SCLT1: variants seen among roughly 807,000 people sequenced by gnomAD.
SCLT1 encodes sodium channel-associated protein 1.
SCLT1 carries 78 observed loss-of-function variants against 112.8 expected under a neutral mutation model. That is an observed-to-expected ratio of 0.69 (90% CI 0.58 to 0.83). The LOEUF is 0.83. Among genes scored for constraint, SCLT1 ranks in the 40% least tolerant of loss-of-function variants. SCLT1 has a pLI of 0.00. For synonymous variants in SCLT1, 257 were observed against 254.7 expected, an observed-to-expected ratio of 1.01 and a Z score of -0.09; for missense variants, 747 against 770.4, an observed-to-expected ratio of 0.97 and a Z score of 0.36.
At chr4:128,904,291 G>A (rs993602068) in intron 18 of SCLT1, among the ~76,000 whole-genome samples, 2 of 152,012 alleles carry the variant, frequency 1.3e-5, no homozygotes, top group Non-Finnish European at 2.9e-5. Flanking sequence ...TGTCTCATAC[G>A]TTTTTAGTTC....
intron 18 of SCLT1, among the ~76,000 whole-genome samples, chr4:128,906,934 G>C (rs1418778083): frequency 6.6e-6 from 1 of 152,134 alleles, no homozygotes; most frequent in African/African-American, 2.4e-5. Context: ...GGAAGAATCG[G>C]GGGTTAGAGC....
chr4:128,891,124 G>T lies in SCLT1; in HGVS notation c.1843C>A (p.Arg615=). The change falls in exon 19 of 21, where the codon CGA becomes AGA. Residue 615 remains arginine, a synonymous_variant. Coordinates refer to ENST00000281142, the MANE Select transcript of SCLT1 (RefSeq NM_144643.4). ...AGCTCTTGGGTATGAAGTTTCTGTC[G>T]ACTCAGCTCACTCCTATTAAGAGCA... The part of the protein sequence containing the change: ...RINNLKSELS[R]QKLHTQELLS... 14 of 1,611,946 alleles carry T rather than the reference G, an allele frequency of 8.7e-6. No individual in the cohort carries two copies. Among genetic ancestry groups the T allele is most frequent in the Non-Finnish European group, 1.2e-5 (14 of 1,178,640 alleles).
At chr4:129,037,506 T>C (rs772571451) in intron 5 of SCLT1, 9 of 152,194 alleles carry the variant, frequency 5.9e-5, no homozygotes, top group Non-Finnish European at 1.3e-4. Flanking sequence ...TATGACCCTT[T>C]TTCCAATATC....
chr4:128,988,711 T>C (rs1293228685), intron 9 of SCLT1, among the ~76,000 whole-genome samples: 1 of 151,738 alleles, frequency 6.6e-6, no homozygotes. Flanking sequence ...AAATAAGACC[T>C]AATCATATGC....
intron 18 of SCLT1, among the ~76,000 whole-genome samples, chr4:128,933,573 T>C (rs1736947059): frequency 6.6e-6 from 1 of 152,108 alleles, no homozygotes; most frequent in Non-Finnish European, 1.5e-5. Flanking sequence ...GTCCCAAATC[T>C]GTAATCAATC....
At position 129,000,864 on chromosome 4, in the gene SCLT1, T is replaced by A. The variant is rs990753208; in HGVS notation, c.427-1070A>T. 8.6e-5 allele frequency among the ~76,000 whole-genome samples: 13 copies of A among 151,914 alleles called. 1 individual carries two copies. Among genetic ancestry groups the A allele is most frequent in the African/African-American group, 3.1e-4 (13 of 41,382 alleles). On this transcript the variant is annotated intron_variant, in intron 6 of 20. Transcript: ENST00000281142. ...ACCTAGAAGCTGGACGACCCTCTTG[T>A]GATCTCTTCCAGTTACTATACTCTT...
intron 19 of SCLT1, 21 bp from the exon 20 acceptor site, chr4:128,888,795 A>G (rs750969278): frequency 7.5e-6 from 11 of 1,460,612 alleles, no homozygotes; most frequent in Non-Finnish European, 1.1e-5. Context: ...GAAATAGAAA[A>G]CAAGTTAGAA....
At chr4:128,899,938 G>C (rs1224981799) in intron 18 of SCLT1, among the ~76,000 whole-genome samples, 1 of 152,070 alleles carries the variant, frequency 6.6e-6, no homozygotes, top group East Asian at 1.9e-4. Flanking sequence ...GCTTCAAAGA[G>C]AATAAAATAC....
chr4:129,091,725 CTCATT>C (rs1354306258), intron 1 of SCLT1, among the ~76,000 whole-genome samples: 6 of 152,182 alleles, frequency 3.9e-5, no homozygotes, highest in South Asian at 2.1e-4. Context: ...TTTTCATCAT[CTCATT>C]TAAGTCTCAC....
intron 2 of SCLT1, among the ~76,000 whole-genome samples, chr4:129,060,196 C>G (rs1749828226): frequency 1.3e-5 from 2 of 152,050 alleles, no homozygotes; most frequent in African/African-American, 4.8e-5. Flanking sequence ...TTAGTGATTT[C>G]TCTTTGTTAA....
intron 13 of SCLT1, among the ~76,000 whole-genome samples, chr4:128,954,946 A>C (rs151028524): frequency 4.9e-4 from 74 of 152,314 alleles, no homozygotes; most frequent in African/African-American, 1.7e-3. Context: ...TCTTTTCAGT[A>C]TCTAGAAATG....
chr4:129,025,574 G>A (rs949375972), intron 5 of SCLT1, among the ~76,000 whole-genome samples: 140 of 152,130 alleles, frequency 9.2e-4, no homozygotes, highest in South Asian at 3.7e-3. Flanking sequence ...AGGAACAACC[G>A]GTACCAGCCA....
At chr4:128,968,746 G>T (rs191238096) in intron 10 of SCLT1, among the ~76,000 whole-genome samples, 3 of 152,238 alleles carry the variant, frequency 2.0e-5, no homozygotes, top group Admixed American at 2.0e-4. Context: ...CAATTATCTT[G>T]CTTGGTCTTG....
At chr4:129,045,441 GA>G (rs1252751947) in intron 2 of SCLT1, among the ~76,000 whole-genome samples, 1 of 152,028 alleles carries the variant, frequency 6.6e-6, no homozygotes, top group Non-Finnish European at 1.5e-5. Flanking sequence ...GGCATATGGA[GA>G]AACATTTAAA....
Position 129,024,861 on chromosome 4 carries a change from G to C in SCLT1, c.290+14180C>G, listed in dbSNP as rs571271806. Among the ~76,000 whole-genome samples, 11 of 152,242 alleles carry C rather than the reference G, an allele frequency of 7.2e-5. No homozygotes were observed. The South Asian group carries it at 1.7e-3, about 23-fold the overall frequency. ...ATACAGAGAAGTGCTTAAAGGAGCT[G>C]ATGGAGCTGAAAACCAAGGCTCGAG... is the stretch of plus-strand genomic sequence containing the variant. On this transcript the variant is annotated intron_variant, in intron 5 of 20. Coordinates refer to ENST00000281142, the MANE Select transcript of SCLT1 (RefSeq NM_144643.4).
At chr4:128,995,191 G>T (rs1389892140) in intron 8 of SCLT1, among the ~76,000 whole-genome samples, 1 of 152,104 alleles carries the variant, frequency 6.6e-6, no homozygotes, top group Non-Finnish European at 1.5e-5. Flanking sequence ...ATTTTGGGTT[G>T]ATATTTGTGT....
chr4:128,907,250 C>T (rs569238748), intron 18 of SCLT1, among the ~76,000 whole-genome samples: 10 of 152,138 alleles, frequency 6.6e-5, no homozygotes, highest in African/African-American at 2.2e-4. Flanking sequence ...AGAGAAGTGA[C>T]GATTCGATTT....
intron 17 of SCLT1, among the ~76,000 whole-genome samples, chr4:128,942,778 G>T (rs533151411): frequency 6.6e-6 from 1 of 152,142 alleles, no homozygotes; most frequent in Admixed American, 6.5e-5. Flanking sequence ...GGTTGGAAAA[G>T]AATTTTTTTG....
intron 10 of SCLT1, among the ~76,000 whole-genome samples, chr4:128,969,132 C>T (rs1412796299): frequency 6.6e-6 from 1 of 152,188 alleles, no homozygotes; most frequent in Non-Finnish European, 1.5e-5. Flanking sequence ...TCTCTGCCTG[C>T]TTCTTCACTG....
Sources: allele counts gnomAD v4.1 joint callset (sites outside exome capture counted in the v4.1 genomes callset), GRCh38; gene constraint gnomAD v4.1.1; transcripts MANE v1.5; gene names NCBI Gene and HGNC (gene_info 2026-07-23, HGNC 2026-07-21).